Variants in CTNNBIP1 observed in about 807,000 individuals in gnomAD.
The protein encoded by CTNNBIP1 is catenin beta interacting protein 1, also known as beta-catenin-interacting protein 1.
A neutral mutation model predicts 11.8 loss-of-function variants in CTNNBIP1; 7 were observed. The observed-to-expected ratio is 0.60, with a 90% confidence interval of 0.34 to 1.12. The LOEUF is 1.12. Ranked by LOEUF, CTNNBIP1 falls within the 50% of genes most tolerant of loss-of-function variation. The pLI is 0.03. For missense variants in CTNNBIP1, 101 were observed against 113.4 expected (o/e 0.89, Z 0.50); for synonymous variants, 58 against 43.9 (o/e 1.32, Z -1.26).
intron 1 of CTNNBIP1, among the ~76,000 whole-genome samples, chr1:9,905,040 A>C (rs888348474): frequency 6.6e-6 from 1 of 152,184 alleles, no homozygotes; most frequent in African/African-American, 2.4e-5. Context: ...GGCTGGCCTC[A>C]AAAACCTCCC....
chr1:9,870,851 C>T (rs1638845609), intron 5 of CTNNBIP1, among the ~76,000 whole-genome samples: 1 of 152,224 alleles, frequency 6.6e-6, no homozygotes, highest in East Asian at 1.9e-4. Flanking sequence ...AGGGGTCAGG[C>T]CAAAGGTTAA....
chr1:9,861,600 C>T (rs1222255905), intron 5 of CTNNBIP1, among the ~76,000 whole-genome samples: 2 of 152,210 alleles, frequency 1.3e-5, no homozygotes, highest in Non-Finnish European at 2.9e-5. Context: ...ACCACAGGCA[C>T]AAGAGGCTGC....
chr1:9,907,264 T>C (rs1639636638), intron 1 of CTNNBIP1, among the ~76,000 whole-genome samples: 2 of 152,034 alleles, frequency 1.3e-5, no homozygotes, highest in Admixed American at 6.6e-5. Flanking sequence ...TCCACCTCCC[T>C]GGTTCAAGCG....
chr1:9,863,815 C>A (rs1479076047), intron 5 of CTNNBIP1, among the ~76,000 whole-genome samples: 1 of 152,178 alleles, frequency 6.6e-6, no homozygotes, highest in Non-Finnish European at 1.5e-5. Flanking sequence ...GAACTTTCCA[C>A]ACTGAGCTGT....
At chr1:9,885,764 A>G (rs1570587151) in intron 1 of CTNNBIP1, among the ~76,000 whole-genome samples, 1 of 152,128 alleles carries the variant, frequency 6.6e-6, no homozygotes, top group East Asian at 1.9e-4. Flanking sequence ...ACCAACATGG[A>G]GAAACCCTGT....
chr1:9,887,122 C>T (rs868113717), intron 1 of CTNNBIP1, among the ~76,000 whole-genome samples: 5 of 152,218 alleles, frequency 3.3e-5, no homozygotes, highest in Admixed American at 2.0e-4. Flanking sequence ...TGATGCAAAG[C>T]TCCTTCCTGC....
intron 1 of CTNNBIP1, among the ~76,000 whole-genome samples, chr1:9,888,170 C>G (rs1230108681): frequency 3.3e-5 from 5 of 152,000 alleles, no homozygotes; most frequent in Admixed American, 6.6e-5. Flanking sequence ...GTGGCTCATG[C>G]CTGTAATCCC....
At chr1:9,856,344 C>T (rs975148179) in intron 5 of CTNNBIP1, among the ~76,000 whole-genome samples, 1 of 151,374 alleles carries the variant, frequency 6.6e-6, no homozygotes, top group Non-Finnish European at 1.5e-5. Context: ...ATCTAAAGCA[C>T]AAGCAACAGA....
At chr1:9,858,750 TC>T (rs1638563167) in intron 5 of CTNNBIP1, among the ~76,000 whole-genome samples, 2 of 152,182 alleles carry the variant, frequency 1.3e-5, no homozygotes, top group Admixed American at 1.3e-4. Context: ...ACTGACATAG[TC>T]ACAGTATCTG....
chr1:9,893,981 A>G (rs1429374880), intron 1 of CTNNBIP1, among the ~76,000 whole-genome samples: 1 of 152,240 alleles, frequency 6.6e-6, no homozygotes, highest in African/African-American at 2.4e-5. Flanking sequence ...AATCCAGGAC[A>G]ATAACCCAGG....
chr1:9,897,113 T>A (rs1639424094), intron 1 of CTNNBIP1, among the ~76,000 whole-genome samples: 1 of 150,442 alleles, frequency 6.6e-6, no homozygotes, highest in South Asian at 2.1e-4. Flanking sequence ...TGCATTGCAC[T>A]CCAGCCTGGG....
chr1:9,887,252 T>C (rs1639206497), intron 1 of CTNNBIP1, among the ~76,000 whole-genome samples: 1 of 152,188 alleles, frequency 6.6e-6, no homozygotes, highest in Non-Finnish European at 1.5e-5. Flanking sequence ...GTAGGAATTA[T>C]TCCCATTTTA....
chr1:9,908,098 G>T (rs1321985545), intron 1 of CTNNBIP1, among the ~76,000 whole-genome samples: 2 of 152,142 alleles, frequency 1.3e-5, no homozygotes, highest in Non-Finnish European at 2.9e-5. Context: ...TTGCTCTGTT[G>T]CCCAGGCTGG....
At position 9,867,303 on chromosome 1, in the gene CTNNBIP1, G is replaced by A. The variant is rs891487231; in HGVS notation, c.187+3884C>T. Among the ~76,000 whole-genome samples, 5 of 141,034 alleles carry A rather than the reference G, an allele frequency of 3.5e-5. No individual in the cohort carries two copies. The highest frequency in any genetic ancestry group is 5.9e-5 in the Non-Finnish European group (4 of 68,006). 92.5% of individuals were successfully genotyped at this position (141,034 alleles called of 152,430 possible). On this transcript the variant is annotated intron_variant, in intron 5 of 5. Coordinates refer to ENST00000377263, the MANE Select transcript of CTNNBIP1 (RefSeq NM_020248.3). This position sits in a 1 kb window ranked among gnomAD's most constrained non-coding sequence, Gnocchi z 4.6. ...TCTGCTGGAACCACCTGGTGAGCCC[G>A]TAAGGGGAGGCCCCCACCCCAGGGT...
At chr1:9,886,700 T>C (rs749981730) in intron 1 of CTNNBIP1, among the ~76,000 whole-genome samples, 2 of 152,110 alleles carry the variant, frequency 1.3e-5, no homozygotes, top group Non-Finnish European at 2.9e-5. Flanking sequence ...TGCTCTCCAG[T>C]ATACAAGTAC....
At chr1:9,908,663 C>T (rs1384889573) in intron 1 of CTNNBIP1, among the ~76,000 whole-genome samples, 2 of 152,212 alleles carry the variant, frequency 1.3e-5, no homozygotes, top group Non-Finnish European at 2.9e-5. Context: ...CGCCCGGCCA[C>T]AGATTCTTAT....
At chr1:9,854,801 C>G (rs1024964931) in intron 5 of CTNNBIP1, among the ~76,000 whole-genome samples, 1 of 152,048 alleles carries the variant, frequency 6.6e-6, no homozygotes, top group Non-Finnish European at 1.5e-5. Flanking sequence ...CTCAACCTCC[C>G]GAGTAGCTGG....
At position 9,850,424 on chromosome 1, in the gene CTNNBIP1, TAA is replaced by T; in HGVS notation, c.*292_*293del. On this transcript the variant is annotated 3_prime_UTR_variant, in exon 6 of 6. Transcript: ENST00000377263. ...ACCGAGGCGCAAATTTTTTAAAAAA[TAA>T]GAGTCAGAAATAAAAATAAAAGGTT... 1 of 296,980 alleles carries T rather than the reference TAA, an allele frequency of 3.4e-6. No individual in the cohort carries two copies. The highest frequency in any genetic ancestry group is 6.2e-5 in the East Asian group (1 of 16,152). 18.4% of individuals were successfully genotyped at this position (296,980 alleles called of 1,614,324 possible). A position where few individuals can be genotyped will look rare whatever the true frequency, so the allele number is the denominator to read the frequency against.
At chr1:9,866,858 G>A (rs1433892465) in intron 5 of CTNNBIP1, among the ~76,000 whole-genome samples, 1 of 152,042 alleles carries the variant, frequency 6.6e-6, no homozygotes. Context: ...CCAAGAGGGG[G>A]CTGGAAATGA....
Sources: allele counts gnomAD v4.1 joint callset (sites outside exome capture counted in the v4.1 genomes callset), GRCh38; gene constraint gnomAD v4.1.1; non-coding constraint Gnocchi (gnomAD v3.1); transcripts MANE v1.5; gene names NCBI Gene and HGNC (gene_info 2026-07-23, HGNC 2026-07-21).